The following DCHS2 variants were observed in gnomAD, a reference collection of about 807,000 sequenced individuals.
The protein encoded by DCHS2 is protocadherin-23.
Under a neutral mutation model 182.4 loss-of-function variants are expected in DCHS2, and 142 were observed. That is an observed-to-expected ratio of 0.78 (90% CI 0.68 to 0.89). The LOEUF (loss-of-function observed/expected upper bound fraction) is 0.89, where lower values mean the gene tolerates loss of function less well. Among genes scored for constraint, DCHS2 ranks in the 40% least tolerant of loss-of-function variants. The pLI is 0.00. For missense variants in DCHS2, 4,319 were observed against 4,198.6 expected (o/e 1.03, Z -0.79); for synonymous variants, 1,740 against 1,663.3 (o/e 1.05, Z -1.12).
intron 1 of DCHS2, among the ~76,000 whole-genome samples, chr4:154,459,952 C>A (rs1413609358): frequency 6.6e-6 from 1 of 152,168 alleles, no homozygotes; most frequent in East Asian, 1.9e-4. Context: ...GCCACCAATT[C>A]TACACCTGAT....
intron 16 of DCHS2, among the ~76,000 whole-genome samples, chr4:154,251,799 A>G (rs1158627742): frequency 1.3e-5 from 2 of 152,148 alleles, no homozygotes; most frequent in Non-Finnish European, 2.9e-5. Context: ...GATTACAGGC[A>G]TGAGCCACTG....
intron 3 of DCHS2, among the ~76,000 whole-genome samples, chr4:154,359,621 T>C: frequency 6.6e-6 from 1 of 152,056 alleles, no homozygotes; most frequent in African/African-American, 2.4e-5. Flanking sequence ...ATTTATGAAG[T>C]ATCTCCTATA....
Position 154,327,454 on chromosome 4 carries a change from A to G in DCHS2, c.4018+639T>C, listed in dbSNP as rs150366260. ...GGTTTTCCATGCAGACAATCAAACT[A>G]TCTGTGGGAAAGGGCAATGTTATCT... On this transcript the variant is annotated intron_variant, in intron 7 of 19. Coordinates refer to ENST00000357232, the MANE Select transcript of DCHS2 (RefSeq NM_001358235.2). Among the ~76,000 whole-genome samples the G allele has an allele frequency of 3.0e-3, 460 of 152,306 alleles. 11 individuals are homozygous for G. The highest frequency in any genetic ancestry group is 0.028 in the Admixed American group (425 of 15,302).
intron 3 of DCHS2, among the ~76,000 whole-genome samples, chr4:154,360,800 C>G (rs1306882948): frequency 6.6e-6 from 1 of 152,156 alleles, no homozygotes; most frequent in Non-Finnish European, 1.5e-5. Context: ...GGAACAGCTG[C>G]CCTTGTCTGG....
intron 1 of DCHS2, among the ~76,000 whole-genome samples, chr4:154,455,154 C>A (rs1424196353): frequency 6.6e-6 from 1 of 152,186 alleles, no homozygotes; most frequent in Admixed American, 6.5e-5. Flanking sequence ...TTAAATTCAC[C>A]AGGTCTAGGC....
chr4:154,401,056 T>A (rs1429107509), intron 1 of DCHS2, among the ~76,000 whole-genome samples: 1 of 152,216 alleles, frequency 6.6e-6, no homozygotes, highest in Non-Finnish European at 1.5e-5. Context: ...GCTTCCTTGT[T>A]CCTCCTCCCA....
chr4:154,426,043 C>A lies in DCHS2; in HGVS notation c.2053-48599G>T, dbSNP rs146673165. ...TATTTTTTGTTTCCTTCCTTGATTG[C>A]CCTCTTGGCCTCTGTTTTTTTCTCA... On this transcript the variant is annotated intron_variant, in intron 1 of 19. Transcript: ENST00000357232. Among the ~76,000 whole-genome samples, 487 of 152,204 alleles carry A rather than the reference C, an allele frequency of 3.2e-3. 3 individuals carry two copies. The highest frequency in any genetic ancestry group is 0.011 in the African/African-American group (463 of 41,528).
Position 154,239,234 on chromosome 4 carries a change from G to A in DCHS2, c.7428C>T (p.Ser2476=). ...GAATTCTGTAAGAAATGTTCTCATT[G>A]CTTTCTAAGTCTGTGGCTGACAGAG... The part of the protein sequence containing the change: ...VLTLSATDLE[S]NENISYRILS... The change falls in exon 19 of 20, where the codon AGC becomes AGT. Residue 2476 remains serine, a synonymous_variant. Transcript: ENST00000357232. 8 of 1,613,466 alleles carry A rather than the reference G, an allele frequency of 5.0e-6. No homozygotes were observed. The highest frequency in any genetic ancestry group is 6.8e-6 in the Non-Finnish European group (8 of 1,179,704).
chr4:154,233,699 A>G lies in DCHS2; in HGVS notation c.*837T>C, dbSNP rs1434210659. On this transcript the variant is annotated 3_prime_UTR_variant, in exon 20 of 20. Transcript: ENST00000357232. ...AAGTTTAATGTCTTTACCCACACCT[A>G]CTTATAAGACAAGACCTGAAAAAAA... 2 of 152,082 alleles carry G rather than the reference A, an allele frequency of 1.3e-5. No individual in the cohort carries two copies. Among genetic ancestry groups the G allele is most frequent in the Admixed American group, 1.3e-4 (2 of 15,248 alleles). 9.4% of individuals were successfully genotyped at this position (152,082 alleles called of 1,614,324 possible). A position where few individuals can be genotyped will look rare whatever the true frequency, so the allele number is the denominator to read the frequency against.
At chr4:154,416,325 C>T (rs1259517831) in intron 1 of DCHS2, among the ~76,000 whole-genome samples, 1 of 152,204 alleles carries the variant, frequency 6.6e-6, no homozygotes, top group Non-Finnish European at 1.5e-5. Flanking sequence ...GCCAGAGGGA[C>T]GCAGTTGACC....
At chr4:154,251,464 G>T (rs1732356128) in intron 16 of DCHS2, among the ~76,000 whole-genome samples, 1 of 152,046 alleles carries the variant, frequency 6.6e-6, no homozygotes. Flanking sequence ...TCCATAAATG[G>T]AAACTATTGT....
chr4:154,298,995 T>C (rs1013258680), intron 12 of DCHS2, among the ~76,000 whole-genome samples: 12 of 152,218 alleles, frequency 7.9e-5, no homozygotes, highest in Non-Finnish European at 1.5e-4. Flanking sequence ...GCCGTATGAT[T>C]TTTTGTGTGC....
chr4:154,256,027 A>T (rs949532564), intron 15 of DCHS2, among the ~76,000 whole-genome samples: 1 of 152,200 alleles, frequency 6.6e-6, no homozygotes, highest in Admixed American at 6.5e-5. Context: ...AAAGGGAAAA[A>T]ATGTTATGGG....
At chr4:154,419,909 A>G (rs929821710) in intron 1 of DCHS2, among the ~76,000 whole-genome samples, 2 of 151,846 alleles carry the variant, frequency 1.3e-5, no homozygotes, top group African/African-American at 4.8e-5. Context: ...AAGTGGACAT[A>G]TATAGGCAGG....
intron 1 of DCHS2, among the ~76,000 whole-genome samples, chr4:154,426,410 T>C (rs893454150): frequency 2.0e-5 from 3 of 152,122 alleles, no homozygotes; most frequent in Non-Finnish European, 4.4e-5. Flanking sequence ...AGTCTTTAGA[T>C]TGGGAGGCAT....
chr4:154,334,030 G>T (rs1343847841), intron 4 of DCHS2: 1 of 153,454 alleles, frequency 6.5e-6, no homozygotes, highest in Non-Finnish European at 1.4e-5. Context: ...TGTCCAATGG[G>T]CAAAGAGCAA....
At position 154,236,682 on chromosome 4, in the gene DCHS2, T is replaced by G. The variant is rs1731527549; in HGVS notation, c.7970A>C (p.Asp2657Ala). The change falls in exon 20 of 20, where the codon GAT becomes GCT. Residue 2657 changes from aspartate to alanine, a missense_variant. By Grantham distance (126) the Asp-to-Ala change is moderately radical. Coordinates refer to ENST00000357232, the MANE Select transcript of DCHS2 (RefSeq NM_001358235.2). Reference sequence around the variant, plus strand: ...GAAGTTTGGGGGATTGTCATTGACATCAAGTACTTGTATTGATATGACAGC... The same window carrying G: ...GAAGTTTGGGGGATTGTCATTGACAGCAAGTACTTGTATTGATATGACAGC... ...STAVISIQVL[D>A]VNDNPPNFSS... The G allele has an allele frequency of 4.3e-6, 7 of 1,613,918 alleles. No homozygotes were observed. The highest frequency in any genetic ancestry group is 5.9e-6 in the Non-Finnish European group (7 of 1,179,978).
chr4:154,314,896 G>A (rs1265120757), intron 10 of DCHS2, among the ~76,000 whole-genome samples: 1 of 152,148 alleles, frequency 6.6e-6, no homozygotes, highest in African/African-American at 2.4e-5. Context: ...TATTAGTTCA[G>A]ATGGAAAAAT....
intron 1 of DCHS2, among the ~76,000 whole-genome samples, chr4:154,444,449 C>T (rs538835256): frequency 1.3e-5 from 2 of 152,278 alleles, no homozygotes; most frequent in South Asian, 4.1e-4. Context: ...TGGCATTGCC[C>T]TCATCCAGTT....
Sources: allele counts gnomAD v4.1 joint callset (sites outside exome capture counted in the v4.1 genomes callset), GRCh38; gene constraint gnomAD v4.1.1; transcripts MANE v1.5; gene names NCBI Gene and HGNC (gene_info 2026-07-23, HGNC 2026-07-21).